Variants in CALN1 observed in about 807,000 individuals in gnomAD.
The protein encoded by CALN1 is calcium-binding protein 8.
In CALN1, 17 loss-of-function variants were observed where a neutral mutation model predicts 30.6. That is an observed-to-expected ratio of 0.56 (90% confidence interval 0.38 to 0.83). CALN1 has a LOEUF of 0.83. CALN1 is among the 40% of genes least tolerant of loss of function. The pLI is 0.00. For synonymous variants in CALN1, 156 were observed against 131.4 expected (o/e 1.19, Z -1.28); for missense variants, 291 against 354.9 (o/e 0.82, Z 1.45).
intron 5 of CALN1, among the ~76,000 whole-genome samples, chr7:71,898,315 G>C (rs1584471464): frequency 6.6e-6 from 1 of 152,136 alleles, no homozygotes; most frequent in East Asian, 1.9e-4. Context: ...GGGCAACAGA[G>C]TGAGACTCCA....
intron 1 of CALN1, among the ~76,000 whole-genome samples, chr7:72,410,119 A>C (rs1172678681): frequency 6.6e-6 from 1 of 152,204 alleles, no homozygotes; most frequent in Non-Finnish European, 1.5e-5. Context: ...CGAGTTGCTG[A>C]CAAAAAAGAC....
intron 2 of CALN1, among the ~76,000 whole-genome samples, chr7:72,372,158 TTC>T (rs1201728038): frequency 6.6e-6 from 1 of 152,166 alleles, no homozygotes; most frequent in African/African-American, 2.4e-5. Flanking sequence ...CTATGATTAT[TTC>T]TTTCTTTTCC....
In CALN1 at chr7:72,364,515, G is replaced by C. The variant is rs533713696; in HGVS notation, c.119+38736C>G. ...AGCTTCATAAGGAAAGGAGTTTTGT[G>C]TCTCTCTCTCTTTTAACTAATATAG... On this transcript the variant is annotated intron_variant, in intron 2 of 6. Transcript: ENST00000395275. Among the ~76,000 whole-genome samples, 13 of 152,308 alleles carry C rather than the reference G, an allele frequency of 8.5e-5. No homozygotes were observed. The East Asian group carries it at 2.5e-3, about 29-fold the overall frequency.
intron 2 of CALN1, among the ~76,000 whole-genome samples, chr7:72,344,945 T>G (rs1013010933): frequency 6.8e-6 from 1 of 147,412 alleles, no homozygotes; most frequent in Non-Finnish European, 1.5e-5. Flanking sequence ...CATATATGAA[T>G]TGTTTTATGT....
chr7:72,197,168 G>A (rs1454659286), intron 3 of CALN1, among the ~76,000 whole-genome samples: 1 of 143,850 alleles, frequency 7.0e-6, no homozygotes, highest in Non-Finnish European at 1.5e-5. Flanking sequence ...ATTGTCAAAT[G>A]GAAGGTTTGC....
chr7:72,239,111 T>C (rs1023949198), intron 3 of CALN1, among the ~76,000 whole-genome samples: 2 of 152,154 alleles, frequency 1.3e-5, no homozygotes, highest in East Asian at 3.9e-4. Context: ...AAATATTCTG[T>C]GATGGCTGGG....
rs973016257 is a variant in CALN1 at position 72,403,375 on chromosome 7, G to A, written c.-6C>T. ...GGTTGCTCTGGCAGCCGCATCGGGG[G>A]TCCAGGGCGATGTTCTCAGAGAGAG... On this transcript the variant is annotated 5_prime_UTR_variant, in exon 2 of 7. Coordinates refer to ENST00000395275, the MANE Select transcript of CALN1 (RefSeq NM_031468.4). 7.1e-6 allele frequency: 11 copies of A among 1,541,654 alleles called. No homozygotes were observed. The East Asian group carries it at 7.3e-5, about 10-fold the overall frequency.
At chr7:71,971,971 A>AAGAAAGAC (rs1797850560) in intron 5 of CALN1, among the ~76,000 whole-genome samples, 3 of 141,880 alleles carry the variant, frequency 2.1e-5, no homozygotes, top group African/African-American at 7.8e-5. Context: ...GAAAGAAAGA[A>AAGAAAGAC]AGAAAGAAAG....
At chr7:72,435,240 A>G (rs1808113557) in intron 1 of CALN1, among the ~76,000 whole-genome samples, 1 of 94,468 alleles carries the variant, frequency 1.1e-5, no homozygotes, top group African/African-American at 4.0e-5. Flanking sequence ...GTCTCTAAGG[A>G]AAAAAAAAAA....
At chr7:72,003,099 T>G (rs1799606428) in intron 5 of CALN1, among the ~76,000 whole-genome samples, 1 of 152,214 alleles carries the variant, frequency 6.6e-6, no homozygotes, top group Admixed American at 6.6e-5. Context: ...ATTTAGCCAT[T>G]CCACAATGTA....
chr7:71,847,726 AAAGAAGAAAGAAGAAAG>A (rs1313676558), intron 5 of CALN1, among the ~76,000 whole-genome samples: 216 of 110,124 alleles, frequency 2.0e-3, no homozygotes, highest in African/African-American at 6.5e-3. Context: ...AAAGAAGAAG[AAAGAAGAAAGAAGAAAG>A]AAGAAGAAAG....
intron 5 of CALN1, among the ~76,000 whole-genome samples, chr7:71,847,805 A>AAGAAGGAGAAGG (rs759149826): frequency 5.1e-4 from 63 of 124,532 alleles, no homozygotes; most frequent in Middle Eastern, 4.0e-3. Context: ...AAAAGAAGAA[A>AAGAAGGAGAAGG]AGAAGGAGAA....
At chr7:72,390,691 C>A (rs1805524371) in intron 2 of CALN1, among the ~76,000 whole-genome samples, 1 of 151,978 alleles carries the variant, frequency 6.6e-6, no homozygotes, top group Non-Finnish European at 1.5e-5. Context: ...TCCCACTGTC[C>A]CAATTACTTT....
intron 5 of CALN1, among the ~76,000 whole-genome samples, chr7:71,940,327 T>C (rs999690227): frequency 1.3e-5 from 2 of 152,224 alleles, no homozygotes; most frequent in Non-Finnish European, 2.9e-5. Context: ...GCCCTTCAAG[T>C]TCAGGCTGAC....
chr7:71,977,484 T>C (rs1798156511), intron 5 of CALN1, among the ~76,000 whole-genome samples: 1 of 152,114 alleles, frequency 6.6e-6, no homozygotes, highest in Admixed American at 6.5e-5. Context: ...TTGATGAGAA[T>C]TTAGACCAGA....
At chr7:71,908,041 C>T (rs889682267) in intron 5 of CALN1, among the ~76,000 whole-genome samples, 4 of 152,204 alleles carry the variant, frequency 2.6e-5, no homozygotes, top group African/African-American at 9.6e-5. Context: ...TTAGGTCTAG[C>T]TTTCGGGTTA....
At position 72,277,980 on chromosome 7, in the gene CALN1, C is replaced by G. The variant is rs1585338837; in HGVS notation, c.244+706G>C. Among the ~76,000 whole-genome samples, 3 of 138,432 alleles carry G rather than the reference C, an allele frequency of 2.2e-5. No homozygotes were observed. The Middle Eastern group carries it at 0.015, about 679-fold the overall frequency. 90.8% of individuals were successfully genotyped at this position (138,432 alleles called of 152,430 possible). A position where few individuals can be genotyped will look rare whatever the true frequency, so the allele number is the denominator to read the frequency against. ...CGATGTAGTACCTAGGTAAAAACATCAGGCCAAATCAACCTAATCCTCTAT... is the reference window on the plus strand; with the variant it reads ...CGATGTAGTACCTAGGTAAAAACATGAGGCCAAATCAACCTAATCCTCTAT... On this transcript the variant is annotated intron_variant, in intron 3 of 6. Transcript: ENST00000395275.
chr7:72,441,031 T>C (rs1808328852), intron 1 of CALN1, among the ~76,000 whole-genome samples: 1 of 152,162 alleles, frequency 6.6e-6, no homozygotes, highest in Non-Finnish European at 1.5e-5. Context: ...CTATCCAAAA[T>C]GCTTTATGGA....
intron 5 of CALN1, among the ~76,000 whole-genome samples, chr7:71,929,797 T>C (rs1260485616): frequency 1.3e-5 from 2 of 152,210 alleles, no homozygotes; most frequent in African/African-American, 2.4e-5. Context: ...GTTCAGCCGT[T>C]TGAGGGATGC....
Sources: gnomAD v4.1 joint callset for allele counts (sites outside exome capture counted in the v4.1 genomes callset) on GRCh38, gnomAD v4.1.1 for gene constraint, MANE v1.5 for transcripts, NCBI Gene and HGNC (gene_info 2026-07-23, HGNC 2026-07-21) for gene names.